The following NAALADL2 variants were observed in gnomAD, a reference collection of about 807,000 sequenced individuals.
The protein encoded by NAALADL2 is inactive N-acetylated-alpha-linked acidic dipeptidase-like protein 2.
A neutral mutation model predicts 87.2 loss-of-function variants in NAALADL2; 76 were observed. The ratio of observed to expected loss-of-function variants is 0.87; its 90% CI spans 0.72 to 1.05. The LOEUF is 1.05. NAALADL2 is among the 50% of genes least tolerant of loss of function. The pLI is 0.00. For missense variants in NAALADL2, 1,089 were observed against 945.8 expected, an observed-to-expected ratio of 1.15 and a Z score of -1.99; for synonymous variants, 354 against 331.0, an observed-to-expected ratio of 1.07 and a Z score of -0.75.
chr3:174,784,801 G>T (rs1716403051), intron 3 of NAALADL2, among the ~76,000 whole-genome samples: 1 of 152,148 alleles, frequency 6.6e-6, no homozygotes, highest in African/African-American at 2.4e-5. Context: ...GGAATGTTTA[G>T]TCTCTTGTTT....
chr3:175,349,676 T>C (rs1442388437), intron 5 of NAALADL2, among the ~76,000 whole-genome samples: 1 of 152,102 alleles, frequency 6.6e-6, no homozygotes, highest in Non-Finnish European at 1.5e-5. Flanking sequence ...TACAGAAAGT[T>C]TGAGGAGACT....
chr3:174,830,368 C>T (rs368460909), intron 3 of NAALADL2, among the ~76,000 whole-genome samples: 2 of 152,192 alleles, frequency 1.3e-5, no homozygotes, highest in East Asian at 3.9e-4. Context: ...ATTTATTAAA[C>T]AGGGAATCCT....
chr3:174,607,797 A>T (rs1253346462), intron 2 of NAALADL2, among the ~76,000 whole-genome samples: 1 of 152,166 alleles, frequency 6.6e-6, no homozygotes, highest in Non-Finnish European at 1.5e-5. Context: ...AAGTGAACTC[A>T]GCTCTTCACC....
chr3:175,439,731 C>CTTTTTTTTTTTTTTTTTGTTTTTTTTTT (rs535237866), intron 5 of NAALADL2, among the ~76,000 whole-genome samples: 1 of 113,786 alleles, frequency 8.8e-6, no homozygotes, highest in African/African-American at 3.6e-5. Flanking sequence ...GTTTTTTTTT[C>CTTTTTTTTTTTTTTTTTGTTTTTTTTTT]TTTTTTTTCT....
At chr3:175,594,817 G>C (rs1722030965) in intron 10 of NAALADL2, among the ~76,000 whole-genome samples, 1 of 151,990 alleles carries the variant, frequency 6.6e-6, no homozygotes, top group Non-Finnish European at 1.5e-5. Flanking sequence ...AGAAGTGTCT[G>C]TTCATGCCAT....
In NAALADL2 at chr3:175,096,976, C is replaced by G. The variant is rs758174571; in HGVS notation, c.230C>G (p.Ser77Ter). The change falls in exon 2 of 14, where the codon TCA becomes TGA. Residue 77 changes from serine to a stop codon, truncating the protein, a stop_gained. Coordinates refer to ENST00000454872, the MANE Select transcript of NAALADL2 (RefSeq NM_207015.3). LOFTEE classifies it high-confidence loss of function. Reference protein sequence around the residue: ...DGAENQNLGHSETIDLNLDSI... With the variant: ...DGAENQNLGH ...GCTGAGAATCAGAACCTAGGGCATT[C>G]AGAGACTATAGACCTCAATCTTGAT... 2 of 1,613,342 alleles carry G rather than the reference C, an allele frequency of 1.2e-6. No individual in the cohort carries two copies. The highest frequency in any genetic ancestry group is 1.7e-6 in the Non-Finnish European group (2 of 1,179,604).
intron 1 of NAALADL2, among the ~76,000 whole-genome samples, chr3:174,530,755 G>A (rs767595436): frequency 9.9e-5 from 15 of 152,042 alleles, no homozygotes; most frequent in African/African-American, 2.4e-4. Context: ...ACCCCCCACC[G>A]GGTCCCTCCC....
At chr3:175,460,463 A>G (rs567788428) in intron 6 of NAALADL2, among the ~76,000 whole-genome samples, 1 of 152,306 alleles carries the variant, frequency 6.6e-6, no homozygotes, top group African/African-American at 2.4e-5. Flanking sequence ...GAAGGATCCA[A>G]TGTAAATATA....
At chr3:174,932,798 T>A (rs760494583) in intron 1 of NAALADL2, among the ~76,000 whole-genome samples, 8 of 152,286 alleles carry the variant, frequency 5.3e-5, no homozygotes, top group Middle Eastern at 3.4e-3. Context: ...TAGTGTAATA[T>A]GTTATTGAGA....
At chr3:174,657,839 T>C (rs533714967) in intron 2 of NAALADL2, among the ~76,000 whole-genome samples, 1 of 152,290 alleles carries the variant, frequency 6.6e-6, no homozygotes, top group Non-Finnish European at 1.5e-5. Flanking sequence ...CAGACTTCAT[T>C]ATTTTGCCTT....
chr3:175,798,206 A>ATACAATTTATC (rs1455049839), intron 13 of NAALADL2, among the ~76,000 whole-genome samples: 4 of 152,064 alleles, frequency 2.6e-5, no homozygotes, highest in Non-Finnish European at 5.9e-5. Flanking sequence ...TTTTAAGGTA[A>ATACAATTTATC]TACAATTTAT....
chr3:174,481,081 C>T (rs1717517662), intron 1 of NAALADL2, among the ~76,000 whole-genome samples: 1 of 152,042 alleles, frequency 6.6e-6, no homozygotes. Context: ...TGGAGATTGA[C>T]TTATCGCATA....
chr3:174,465,355 A>G (rs973755391), intron 1 of NAALADL2, among the ~76,000 whole-genome samples: 5 of 152,178 alleles, frequency 3.3e-5, no homozygotes, highest in Non-Finnish European at 2.9e-5. Context: ...TCACCTTTGT[A>G]TCCCAAAGGC....
At chr3:175,541,179 C>T (rs1369826823) in intron 9 of NAALADL2, among the ~76,000 whole-genome samples, 3 of 152,198 alleles carry the variant, frequency 2.0e-5, no homozygotes, top group Non-Finnish European at 4.4e-5. Context: ...AATCCCTTCA[C>T]TCTCAATCAG....
chr3:175,695,020 G>A (rs1002704978), intron 11 of NAALADL2, among the ~76,000 whole-genome samples: 1 of 150,808 alleles, frequency 6.6e-6, no homozygotes, highest in Non-Finnish European at 1.5e-5. Flanking sequence ...TGCCTTGCAT[G>A]TTTGTGTTGC....
At chr3:175,022,182 T>C (rs984918858) in intron 1 of NAALADL2, among the ~76,000 whole-genome samples, 1 of 152,044 alleles carries the variant, frequency 6.6e-6, no homozygotes, top group Non-Finnish European at 1.5e-5. Context: ...TTGTATAGCC[T>C]GAAGAATGGT....
intron 1 of NAALADL2, among the ~76,000 whole-genome samples, chr3:174,919,896 T>A (rs1305050110): frequency 6.6e-6 from 1 of 152,130 alleles, no homozygotes; most frequent in African/African-American, 2.4e-5. Context: ...AGAAACAATA[T>A]TAATCTCCTT....
At chr3:175,479,201 G>A (rs1419865538) in intron 9 of NAALADL2, among the ~76,000 whole-genome samples, 3 of 151,668 alleles carry the variant, frequency 2.0e-5, no homozygotes, top group Admixed American at 1.3e-4. Context: ...AAACAATTTT[G>A]TGTTTGAATG....
chr3:174,552,688 C>G lies in NAALADL2; in HGVS notation c.-115+2051C>G, dbSNP rs771724726. ...GCACAGGCCTGTAGTCCCAGCTACT[C>G]GGAAGGCTGAGGTGGGAGGATCATT... On this transcript the variant is annotated intron_variant, in intron 2 of 3. Coordinates refer to the NAALADL2 transcript ENST00000434257. Among the ~76,000 whole-genome samples, 6 of 148,378 alleles carry G rather than the reference C, an allele frequency of 4.0e-5. No individual in the cohort carries two copies. In the Admixed American group the frequency reaches 4.1e-4, roughly 10 times the overall value.
Sources: allele counts gnomAD v4.1 joint callset (sites outside exome capture counted in the v4.1 genomes callset), GRCh38; gene constraint gnomAD v4.1.1; transcripts MANE v1.5; gene names NCBI Gene and HGNC (gene_info 2026-07-23, HGNC 2026-07-21).